TPX2: variants seen among roughly 807,000 people sequenced by gnomAD.
TPX2 encodes targeting protein for Xklp2.
A neutral mutation model predicts 93.6 loss-of-function variants in TPX2; 21 were observed. The ratio of observed to expected loss-of-function variants is 0.22; its 90% confidence interval spans 0.16 to 0.32. TPX2 has a LOEUF of 0.32. Among genes scored for constraint, TPX2 ranks in the 10% least tolerant of loss-of-function variants. The pLI is 1.00. For synonymous variants in TPX2, 281 were observed against 298.3 expected (o/e 0.94, Z 0.60); for missense variants, 776 against 871.1 (o/e 0.89, Z 1.37).
Position 31,801,225 on chromosome 20 carries a change from C to T in TPX2, c.*145C>T, listed in dbSNP as rs2062170205. On this transcript the variant is annotated 3_prime_UTR_variant, in exon 18 of 18. Coordinates refer to ENST00000300403, the MANE Select transcript of TPX2 (RefSeq NM_012112.5). ...CCCGTGCCTGAGAAAGCATACTTGA[C>T]AACTGTGGACTCCAGTTTTGTTGAG... is the stretch of plus-strand genomic sequence containing the variant. 1.6e-6 allele frequency: 1 copy of T among 631,898 alleles called. No individual in the cohort carries two copies. Among genetic ancestry groups the T allele is most frequent in the East Asian group, 2.8e-5 (1 of 36,348 alleles). The allele number at this position is 631,898 out of a possible 1,614,324, so 39.1% of individuals were successfully genotyped here. A position where few individuals can be genotyped will look rare whatever the true frequency, so the allele number is the denominator to read the frequency against.
At chr20:31,794,341 G>T (rs2062121465) in intron 14 of TPX2, 61 bp from the exon 15 acceptor site, 2 of 1,567,128 alleles carry the variant, frequency 1.3e-6, no homozygotes, top group Admixed American at 1.9e-5. Flanking sequence ...CAGATATTCT[G>T]GAGCAGCTAT....
intron 2 of TPX2, among the ~76,000 whole-genome samples, chr20:31,755,025 T>C (rs1260861896): frequency 1.3e-5 from 2 of 152,202 alleles, no homozygotes; most frequent in Non-Finnish European, 2.9e-5. Flanking sequence ...CTTGGCTCAC[T>C]GCAACCTCCG....
intron 2 of TPX2, among the ~76,000 whole-genome samples, chr20:31,745,003 C>T (rs1357722231): frequency 1.3e-5 from 2 of 152,148 alleles, no homozygotes; most frequent in African/African-American, 4.8e-5. Context: ...GGAAGAATCA[C>T]TTGAACCTGG....
rs2061807003 is a variant in TPX2, at chr20:31,749,719, C to T, written c.-71+7072C>T. Among the ~76,000 whole-genome samples, 4 of 151,736 alleles carry T rather than the reference C, an allele frequency of 2.6e-5. No individual in the cohort carries two copies. The South Asian group carries it at 8.3e-4, about 32-fold the overall frequency. ...CTGAGGCAGGAGAATCACATGAACC[C>T]GTGAGCCAGAGGTTGCAGTGAGCCA... On this transcript the variant is annotated intron_variant, in intron 2 of 17. Transcript: ENST00000300403.
At chr20:31,769,156 GTAAC>G (rs2061947650) in intron 5 of TPX2, among the ~76,000 whole-genome samples, 1 of 151,488 alleles carries the variant, frequency 6.6e-6, no homozygotes, top group Admixed American at 6.6e-5. Context: ...GTATACATAT[GTAAC>G]TAACCTGCCC....
At chr20:31,742,358 A>G (rs1035354029) in intron 1 of TPX2, among the ~76,000 whole-genome samples, 183 bp from the exon 2 acceptor site, 3 of 151,888 alleles carry the variant, frequency 2.0e-5, no homozygotes, top group African/African-American at 7.3e-5. Context: ...TTGTATTTTT[A>G]GTAGAGATGG....
chr20:31,740,106 G>A (rs1185423054), intron 1 of TPX2, among the ~76,000 whole-genome samples: 1 of 152,104 alleles, frequency 6.6e-6, no homozygotes, highest in Non-Finnish European at 1.5e-5. Flanking sequence ...TTGGAGGGGG[G>A]AAGGAAAACC....
intron 15 of TPX2, among the ~76,000 whole-genome samples, chr20:31,795,004 G>T (rs979760306): frequency 7.9e-5 from 12 of 151,952 alleles, no homozygotes; most frequent in African/African-American, 2.9e-4. Context: ...TATATTTTTA[G>T]TAGGGATGGG....
intron 9 of TPX2, 45 bp from the exon 10 acceptor site, chr20:31,778,768 C>T (rs533921607): frequency 6.7e-7 from 1 of 1,497,374 alleles, no homozygotes; most frequent in Non-Finnish European, 8.9e-7. Context: ...TAGATGTGAG[C>T]TCTTCCGTGA....
intron 4 of TPX2, among the ~76,000 whole-genome samples, chr20:31,761,841 A>T (rs1210630023): frequency 6.6e-6 from 1 of 152,186 alleles, no homozygotes; most frequent in African/African-American, 2.4e-5. Context: ...ACTGTTTTCC[A>T]TAATAGCTGT....
chr20:31,760,719 T>C (rs2061884497), intron 4 of TPX2, among the ~76,000 whole-genome samples: 2 of 152,218 alleles, frequency 1.3e-5, no homozygotes, highest in Admixed American at 1.3e-4. Context: ...CAAGATTTAA[T>C]GTAACCTAAC....
intron 7 of TPX2, among the ~76,000 whole-genome samples, chr20:31,772,015 C>T (rs1206429776): frequency 1.5e-5 from 2 of 134,408 alleles, no homozygotes; most frequent in African/African-American, 6.4e-5. Flanking sequence ...TCATGCCTGG[C>T]TAACTTTTTT....
chr20:31,752,059 A>G (rs2061823685), intron 2 of TPX2, among the ~76,000 whole-genome samples: 1 of 152,106 alleles, frequency 6.6e-6, no homozygotes, highest in African/African-American at 2.4e-5. Context: ...TTTTTAGTAT[A>G]AGAAGTCTTT....
chr20:31,770,608 G>A, intron 6 of TPX2, 137 bp downstream of exon 6: 1 of 849,204 alleles, frequency 1.2e-6, no homozygotes. Context: ...TATGTTTGGT[G>A]TACCTCAAGC....
intron 2 of TPX2, among the ~76,000 whole-genome samples, chr20:31,756,037 C>T (rs981252970): frequency 2.0e-5 from 3 of 152,126 alleles, no homozygotes; most frequent in East Asian, 1.9e-4. Context: ...TCAAAGTTGT[C>T]GTCTTTATAC....
intron 10 of TPX2, among the ~76,000 whole-genome samples, chr20:31,780,097 G>C (rs1159816725): frequency 6.6e-6 from 1 of 152,118 alleles, no homozygotes; most frequent in African/African-American, 2.4e-5. Flanking sequence ...CATCACCCAG[G>C]CTGGAGTGCA....
At chr20:31,763,993 T>C (rs1014717332) in intron 4 of TPX2, among the ~76,000 whole-genome samples, 1 of 151,884 alleles carries the variant, frequency 6.6e-6, no homozygotes, top group African/African-American at 2.4e-5. Context: ...TACTCCAGCC[T>C]GGGCGATAGA....
rs1304102609 is a variant in TPX2 at position 31,801,079 on chromosome 20, A to C, written c.2243A>C (p.Ter748SerextTer4). 1 of 1,613,532 alleles carries C rather than the reference A, an allele frequency of 6.2e-7. No homozygotes were observed. The change falls in exon 18 of 18, where the codon TAA becomes TCA. Residue 748 changes from the stop codon to serine (S), a stop_lost. Transcript: ENST00000300403. Reference protein sequence around the residue: ...SPKFSTRFHC* With the variant: ...SPKFSTRFHCS Reference sequence around the variant, plus strand: ...AAATTCTCCACTCGATTCCACTGCTAAACTCAGCTGTGAGCTGCGGATACC... The same window carrying C: ...AAATTCTCCACTCGATTCCACTGCTCAACTCAGCTGTGAGCTGCGGATACC...
intron 2 of TPX2, among the ~76,000 whole-genome samples, chr20:31,743,004 C>G (rs188900809): frequency 1.7e-4 from 26 of 152,226 alleles, no homozygotes; most frequent in African/African-American, 6.0e-4. Context: ...CACCTGAGGT[C>G]AAGAGTTTGA....
Sources: gnomAD v4.1 joint callset for allele counts (sites outside exome capture counted in the v4.1 genomes callset) on GRCh38, gnomAD v4.1.1 for gene constraint, MANE v1.5 for transcripts, NCBI Gene and HGNC (gene_info 2026-07-23, HGNC 2026-07-21) for gene names.